RBFOX1: variants seen among roughly 807,000 people sequenced by gnomAD.
The protein encoded by RBFOX1 is RNA binding fox-1 homolog 1.
Under a neutral mutation model 57.7 loss-of-function variants are expected in RBFOX1, and 8 were observed. The observed-to-expected ratio is 0.14, with a 90% CI of 0.08 to 0.25. The LOEUF is 0.25. Among genes scored for constraint, RBFOX1 ranks in the 10% least tolerant of loss-of-function variants. The probability of loss-of-function intolerance (pLI) is 1.00; values close to 1 mark genes in which losing one functional copy is unlikely to be tolerated. For missense variants in RBFOX1, 611 were observed against 548.5 expected (o/e 1.11, Z -1.14); for synonymous variants, 326 against 222.4 (o/e 1.47, Z -4.15).
intron 4 of RBFOX1, among the ~76,000 whole-genome samples, chr16:7,154,100 A>C (rs971857234): frequency 6.6e-6 from 1 of 152,220 alleles, no homozygotes; most frequent in African/African-American, 2.4e-5. Context: ...GAATATTAGC[A>C]GGTAGAAAAG....
intron 1 of RBFOX1, among the ~76,000 whole-genome samples, chr16:6,209,053 T>C (rs1334397928): frequency 6.6e-6 from 1 of 152,210 alleles, no homozygotes; most frequent in East Asian, 1.9e-4. Flanking sequence ...GTTTGTGTTA[T>C]AAAATTGGAA....
chr16:5,761,220 A>G (rs1035178401), intron 3 of RBFOX1, among the ~76,000 whole-genome samples: 5 of 152,208 alleles, frequency 3.3e-5, no homozygotes, highest in South Asian at 2.1e-4. Context: ...GGTGATGCAC[A>G]TCTTGTATAT....
At chr16:7,090,546 C>A (rs1348626893) in intron 4 of RBFOX1, among the ~76,000 whole-genome samples, 3 of 152,144 alleles carry the variant, frequency 2.0e-5, no homozygotes, top group Non-Finnish European at 4.4e-5. Flanking sequence ...TTAATATGTC[C>A]ATCATTTGGT....
At chr16:7,509,969 T>TTG (rs200775920) in intron 4 of RBFOX1, among the ~76,000 whole-genome samples, 30 of 146,128 alleles carry the variant, frequency 2.1e-4, no homozygotes, top group South Asian at 6.4e-4. Flanking sequence ...GCAGTGGGTT[T>TTG]TTTTTTTTTT....
intron 3 of RBFOX1, among the ~76,000 whole-genome samples, chr16:6,760,566 G>C (rs995623682): frequency 7.2e-5 from 11 of 152,176 alleles, no homozygotes; most frequent in African/African-American, 2.2e-4. Flanking sequence ...TAGTCTTCTC[G>C]ACAGTTTAGC....
At chr16:7,527,296 A>G (rs1028860937) in intron 5 of RBFOX1, among the ~76,000 whole-genome samples, 6 of 152,168 alleles carry the variant, frequency 3.9e-5, no homozygotes, top group African/African-American at 1.4e-4. Context: ...AGGATAAACT[A>G]AAGACCTTTA....
chr16:6,363,506 C>T (rs2089002545), intron 2 of RBFOX1, among the ~76,000 whole-genome samples: 1 of 152,092 alleles, frequency 6.6e-6, no homozygotes, highest in African/African-American at 2.4e-5. Context: ...TAAATAATTG[C>T]GTTCTTTGGA....
intron 1 of RBFOX1, among the ~76,000 whole-genome samples, chr16:6,153,609 C>A (rs1179143849): frequency 6.6e-6 from 1 of 152,070 alleles, no homozygotes; most frequent in African/African-American, 2.4e-5. Flanking sequence ...GATCTCGGCT[C>A]ACTGCAACCT....
chr16:5,599,945 T>C (rs1302211421), exon 3 of RBFOX1: 3 of 152,106 alleles, frequency 2.0e-5, no homozygotes, highest in Non-Finnish European at 4.4e-5. Flanking sequence ...GGTAAGAGGA[T>C]TGCTTGAGCT....
At chr16:5,371,893 C>T (rs536044874) in intron 1 of RBFOX1, among the ~76,000 whole-genome samples, 5 of 152,286 alleles carry the variant, frequency 3.3e-5, no homozygotes, top group South Asian at 2.1e-4. Flanking sequence ...CCCGAGTCAA[C>T]GGGAGGTTTC....
chr16:7,170,660 G>T (rs188838315), intron 4 of RBFOX1, among the ~76,000 whole-genome samples: 1 of 152,188 alleles, frequency 6.6e-6, no homozygotes, highest in Non-Finnish European at 1.5e-5. Context: ...GCCCTAAGCT[G>T]TATAATTCAG....
intron 1 of RBFOX1, among the ~76,000 whole-genome samples, chr16:5,428,100 G>C (rs543377345): frequency 6.7e-6 from 1 of 148,618 alleles, no homozygotes; most frequent in South Asian, 2.2e-4. Context: ...GGGTGGCTCT[G>C]GAAGGGTGTG....
intron 4 of RBFOX1, among the ~76,000 whole-genome samples, chr16:7,411,884 CA>C (rs1254930368): frequency 1.1e-5 from 1 of 93,910 alleles, no homozygotes; most frequent in Non-Finnish European, 2.0e-5. Context: ...GCCTGGACAA[CA>C]AGAGCAAAAC....
At chr16:7,311,882 A>G (rs963157073) in intron 4 of RBFOX1, among the ~76,000 whole-genome samples, 3 of 151,954 alleles carry the variant, frequency 2.0e-5, no homozygotes, top group African/African-American at 7.3e-5. Context: ...CTTAATCCCA[A>G]CTCTGTTATT....
chr16:6,591,334 G>A (rs1414848543), intron 2 of RBFOX1, among the ~76,000 whole-genome samples: 1 of 152,062 alleles, frequency 6.6e-6, no homozygotes, highest in Non-Finnish European at 1.5e-5. Flanking sequence ...CATGCCTGTA[G>A]TCCCAGCTAC....
chr16:5,514,833 A>G (rs2043731956), intron 2 of RBFOX1, among the ~76,000 whole-genome samples: 1 of 152,112 alleles, frequency 6.6e-6, no homozygotes, highest in Admixed American at 6.5e-5. Context: ...AAGCATTTTC[A>G]TTCATTTTGT....
chr16:6,853,928 A>C (rs1461989938), intron 3 of RBFOX1, among the ~76,000 whole-genome samples: 1 of 152,174 alleles, frequency 6.6e-6, no homozygotes, highest in African/African-American at 2.4e-5. Flanking sequence ...CTTCCTGGGT[A>C]GTAGCCTGCA....
intron 2 of RBFOX1, among the ~76,000 whole-genome samples, chr16:5,587,398 T>G (rs2046867689): frequency 6.6e-6 from 1 of 152,102 alleles, no homozygotes; most frequent in Admixed American, 6.5e-5. Context: ...GCACACCCAT[T>G]AGAATGGCTA....
At chr16:7,408,001 T>G (rs1247412995) in intron 4 of RBFOX1, among the ~76,000 whole-genome samples, 1 of 152,184 alleles carries the variant, frequency 6.6e-6, no homozygotes, top group Non-Finnish European at 1.5e-5. Context: ...CCTAAAATAT[T>G]TATTCCGTGG....
Sources: gnomAD v4.1 joint callset for allele counts (sites outside exome capture counted in the v4.1 genomes callset) on GRCh38, gnomAD v4.1.1 for gene constraint, MANE v1.5 for transcripts, NCBI Gene and HGNC (gene_info 2026-07-23, HGNC 2026-07-21) for gene names.